The following RNF13 variants were observed in gnomAD, a reference collection of about 807,000 sequenced individuals.
RNF13 encodes E3 ubiquitin-protein ligase RNF13.
Under a neutral mutation model 37.7 loss-of-function variants are expected in RNF13, and 19 were observed. The ratio of observed to expected loss-of-function variants is 0.50; its 90% confidence interval spans 0.35 to 0.74. The LOEUF (loss-of-function observed/expected upper bound fraction) is 0.74. Among genes scored for constraint, RNF13 ranks in the 30% least tolerant of loss-of-function variants. The pLI, the probability that RNF13 is intolerant of heterozygous loss-of-function variation, is 0.01. For synonymous variants in RNF13, 144 were observed against 157.8 expected (o/e 0.91, Z 0.65); for missense variants, 375 against 453.0 (o/e 0.83, Z 1.56).
At chr3:149,830,761 G>A (rs1022204995) in intron 1 of RNF13, among the ~76,000 whole-genome samples, 4 of 151,860 alleles carry the variant, frequency 2.6e-5, no homozygotes, top group Admixed American at 2.6e-4. Flanking sequence ...CAAGAAAATA[G>A]GGAAAATGTC....
chr3:149,893,504 A>G (rs1029823554), intron 4 of RNF13, among the ~76,000 whole-genome samples: 1 of 152,250 alleles, frequency 6.6e-6, no homozygotes, highest in Non-Finnish European at 1.5e-5. Context: ...TAAAATGGTC[A>G]TGAAAGCATC....
intron 8 of RNF13, among the ~76,000 whole-genome samples, chr3:149,955,452 T>G (rs1721771399): frequency 6.6e-6 from 1 of 152,096 alleles, no homozygotes; most frequent in Non-Finnish European, 1.5e-5. Context: ...TATTTTATCC[T>G]GTTGTATTTT....
intron 8 of RNF13, among the ~76,000 whole-genome samples, chr3:149,923,861 G>A (rs181382557): frequency 1.0e-3 from 153 of 152,188 alleles, no homozygotes; most frequent in African/African-American, 3.7e-3. Context: ...GAGTAAGATG[G>A]GTAGCTGTAG....
chr3:149,942,212 T>A (rs1212542791), intron 8 of RNF13, among the ~76,000 whole-genome samples: 1 of 152,166 alleles, frequency 6.6e-6, no homozygotes, highest in Non-Finnish European at 1.5e-5. Context: ...AATTTTACGA[T>A]GCTTTTTTCT....
chr3:149,824,251 T>C (rs1720264900), intron 1 of RNF13, among the ~76,000 whole-genome samples: 1 of 152,346 alleles, frequency 6.6e-6, no homozygotes, highest in South Asian at 2.1e-4. Context: ...GGCAGAATAA[T>C]GACTGCCCAA....
intron 7 of RNF13, among the ~76,000 whole-genome samples, chr3:149,914,531 G>C (rs143153081): frequency 3.7e-4 from 56 of 151,988 alleles, no homozygotes; most frequent in Non-Finnish European, 3.2e-4. Flanking sequence ...AAATACCCTT[G>C]GAAAACCAGG....
At chr3:149,911,691 AATAAC>A (rs1261839699) in intron 6 of RNF13, among the ~76,000 whole-genome samples, 1 of 151,924 alleles carries the variant, frequency 6.6e-6, no homozygotes, top group Non-Finnish European at 1.5e-5. Context: ...TAAATAAATA[AATAAC>A]ATATCTCCAG....
chr3:149,837,454 A>T (rs1259389574), intron 1 of RNF13, among the ~76,000 whole-genome samples: 2 of 152,194 alleles, frequency 1.3e-5, no homozygotes, highest in Non-Finnish European at 2.9e-5. Context: ...GCTGATAAAG[A>T]CACCTGAGAC....
chr3:149,822,572 C>T lies in RNF13; in HGVS notation c.-17+9219C>T, dbSNP rs74568257. 4 of 152,232 alleles carry T rather than the reference C, an allele frequency of 2.6e-5. No individual in the cohort carries two copies. The East Asian group carries it at 7.7e-4, about 29-fold the overall frequency. 9.4% of individuals were successfully genotyped at this position (152,232 alleles called of 1,614,324 possible). On this transcript the variant is annotated intron_variant, in intron 1 of 9. Coordinates refer to ENST00000392894, the MANE Select transcript of RNF13 (RefSeq NM_183381.3). ...AAAGTGGAACACTAAAGAACTTGAT[C>T]TGTAAGATGTCTGATTTCCCTGAAT...
chr3:149,852,421 G>T, intron 2 of RNF13, 95 bp from the exon 3 acceptor site: 1 of 510,444 alleles, frequency 2.0e-6, no homozygotes, highest in Non-Finnish European at 3.4e-6. Context: ...AATCAGAATT[G>T]TCAAAATAAT....
chr3:149,877,466 TTCTG>T (rs1384188081), intron 4 of RNF13, among the ~76,000 whole-genome samples: 4 of 150,244 alleles, frequency 2.7e-5, no homozygotes, highest in Non-Finnish European at 5.9e-5. Flanking sequence ...CTCTTTTTCT[TTCTG>T]TCTTTTTTTT....
chr3:149,832,607 T>TA (rs956132877), intron 1 of RNF13, among the ~76,000 whole-genome samples: 161 of 152,078 alleles, frequency 1.1e-3, no homozygotes, highest in South Asian at 3.5e-3. Context: ...AATTGGTTTT[T>TA]AAAAAAAATC....
intron 1 of RNF13, among the ~76,000 whole-genome samples, chr3:149,823,162 A>G (rs73155070): frequency 0.014 from 2,180 of 152,202 alleles, 22 homozygotes; most frequent in Non-Finnish European, 0.022. Context: ...TAAAAATAAG[A>G]GGAAATATTT....
chr3:149,936,830 T>C (rs930025184), intron 8 of RNF13, among the ~76,000 whole-genome samples: 2 of 152,192 alleles, frequency 1.3e-5, no homozygotes, highest in African/African-American at 4.8e-5. Flanking sequence ...TTCTAGTTTT[T>C]GCTATCTGCC....
At chr3:149,905,505 CT>C (rs960994603) in intron 6 of RNF13, among the ~76,000 whole-genome samples, 5 of 149,022 alleles carry the variant, frequency 3.4e-5, no homozygotes, top group Non-Finnish European at 6.0e-5. Flanking sequence ...TTTAATATTA[CT>C]TTTTTTTGTA....
intron 8 of RNF13, among the ~76,000 whole-genome samples, chr3:149,935,669 T>C (rs573493844): frequency 1.3e-4 from 20 of 152,330 alleles, no homozygotes; most frequent in African/African-American, 4.1e-4. Flanking sequence ...TACATCGTAA[T>C]TTCATCCCCC....
chr3:149,881,710 A>G (rs75889989), intron 4 of RNF13, among the ~76,000 whole-genome samples: 2,757 of 152,300 alleles, frequency 0.018, 93 homozygotes, highest in African/African-American at 0.062. Context: ...ACAAATAAGT[A>G]TGGCTTTTTG....
At chr3:149,876,089 A>G (rs1712657598) in intron 4 of RNF13, among the ~76,000 whole-genome samples, 1 of 152,248 alleles carries the variant, frequency 6.6e-6, no homozygotes, top group African/African-American at 2.4e-5. Flanking sequence ...AAGACAAGTT[A>G]TAAAAAAATC....
intron 1 of RNF13, among the ~76,000 whole-genome samples, chr3:149,825,730 ACT>A (rs768224286): frequency 8.5e-5 from 13 of 152,256 alleles, no homozygotes; most frequent in Admixed American, 2.0e-4. Flanking sequence ...CCTCAGTGTT[ACT>A]CTCTTATAGT....
Sources: gnomAD v4.1 joint callset for allele counts (sites outside exome capture counted in the v4.1 genomes callset) on GRCh38, gnomAD v4.1.1 for gene constraint, MANE v1.5 for transcripts, NCBI Gene and HGNC (gene_info 2026-07-23, HGNC 2026-07-21) for gene names.